SRGAP2C: variants seen among roughly 807,000 people sequenced by gnomAD.
SRGAP2C encodes the protein SLIT-ROBO Rho GTPase activating protein 2C.
In SRGAP2C, 15 loss-of-function variants were observed where a neutral mutation model predicts 25.1. That is an observed-to-expected ratio of 0.60 (90% CI 0.40 to 0.92). The LOEUF is 0.92. Ranked by LOEUF, SRGAP2C falls within the 40% of genes least tolerant of loss-of-function variation. The pLI, the probability that SRGAP2C is intolerant of heterozygous loss-of-function variation, is 0.00. For missense variants in SRGAP2C, 144 were observed against 264.4 expected, an observed-to-expected ratio of 0.54 and a Z score of 3.16; for synonymous variants, 44 against 96.6, an observed-to-expected ratio of 0.46 and a Z score of 3.19.
intron 2 of SRGAP2C, among the ~76,000 whole-genome samples, chr1:121,204,630 G>A (rs1431884689): frequency 6.6e-6 from 1 of 152,192 alleles, no homozygotes; most frequent in East Asian, 1.9e-4. Flanking sequence ...AATAATTGAT[G>A]TGTAGATGTT....
rs1365687999 is a variant in SRGAP2C, at chr1:121,291,162, A to G, written c.260+6167A>G. Among the ~76,000 whole-genome samples the G allele has an allele frequency of 1.6e-5, 2 of 128,818 alleles. 1 individual carries two copies. The highest frequency in any genetic ancestry group is 3.4e-5 in the Non-Finnish European group (2 of 59,090). 84.5% of individuals were successfully genotyped at this position (128,818 alleles called of 152,430 possible). ...GAAAGGAAGTAGGAATATATTCAGA[A>G]GGTATTCAAGAAACTAAATAGGACT... On this transcript the variant is annotated intron_variant, in intron 3 of 9. Transcript: ENST00000367123.
chr1:121,263,051 A>G (rs1256489090), intron 2 of SRGAP2C, among the ~76,000 whole-genome samples: 1 of 151,996 alleles, frequency 6.6e-6, no homozygotes, highest in Non-Finnish European at 1.5e-5. Flanking sequence ...AATACTGGCA[A>G]ACATAGTAAT....
intron 3 of SRGAP2C, among the ~76,000 whole-genome samples, chr1:121,323,648 G>A (rs1658258463): frequency 7.4e-6 from 1 of 135,312 alleles, no homozygotes; most frequent in African/African-American, 2.9e-5. Context: ...AAGGGAATGA[G>A]CACCTTGGTT....
At chr1:121,273,727 T>G (rs1158096378) in intron 2 of SRGAP2C, among the ~76,000 whole-genome samples, 2 of 151,914 alleles carry the variant, frequency 1.3e-5, no homozygotes, top group Non-Finnish European at 2.9e-5. Flanking sequence ...AAATATTTCA[T>G]TCTTCAATTT....
At chr1:121,337,702 C>T (rs1180280425) in intron 4 of SRGAP2C, among the ~76,000 whole-genome samples, 7 of 144,924 alleles carry the variant, frequency 4.8e-5, no homozygotes, top group Non-Finnish European at 7.6e-5. Context: ...ATTGTTAATA[C>T]AGCTCATCAG....
At chr1:121,188,183 G>T (rs1180272729) in intron 2 of SRGAP2C, among the ~76,000 whole-genome samples, 1 of 152,192 alleles carries the variant, frequency 6.6e-6, no homozygotes, top group Non-Finnish European at 1.5e-5. Flanking sequence ...GCTGGTTGGT[G>T]CTGATTCTGG....
chr1:121,368,044 C>G (rs1553349961), intron 5 of SRGAP2C, among the ~76,000 whole-genome samples: 1 of 107,152 alleles, frequency 9.3e-6, no homozygotes. Flanking sequence ...CCACTGCACT[C>G]CAGCCTGGGC....
At chr1:121,383,127 G>A (rs1420528443) in intron 8 of SRGAP2C, among the ~76,000 whole-genome samples, 1 of 150,096 alleles carries the variant, frequency 6.7e-6, no homozygotes, top group East Asian at 2.0e-4. Context: ...CAGACATGGG[G>A]GATTAAAGCC....
chr1:121,273,565 G>C (rs1292225577), intron 2 of SRGAP2C, among the ~76,000 whole-genome samples: 1 of 147,064 alleles, frequency 6.8e-6, no homozygotes, highest in East Asian at 2.1e-4. Context: ...AGCAGGAATG[G>C]GGAGAAAGGG....
intron 4 of SRGAP2C, among the ~76,000 whole-genome samples, chr1:121,340,774 GA>G (rs1658635339): frequency 6.6e-6 from 1 of 151,328 alleles, no homozygotes; most frequent in Admixed American, 6.6e-5. Flanking sequence ...TTATCTTACA[GA>G]AATATCTTTT....
At chr1:121,267,620 TACTC>T (rs1165740999) in intron 2 of SRGAP2C, among the ~76,000 whole-genome samples, 9 of 126,474 alleles carry the variant, frequency 7.1e-5, no homozygotes, top group African/African-American at 2.8e-4. Context: ...TTTTTATTCT[TACTC>T]AGGAGCTTTG....
chr1:121,273,663 C>A (rs1211425347), intron 2 of SRGAP2C, among the ~76,000 whole-genome samples: 2 of 151,814 alleles, frequency 1.3e-5, no homozygotes, highest in African/African-American at 4.8e-5. Context: ...GACATCTTCA[C>A]GTAACTATGT....
intron 2 of SRGAP2C, among the ~76,000 whole-genome samples, chr1:121,211,467 C>CAT (rs1655256012): frequency 6.9e-6 from 1 of 144,318 alleles, no homozygotes; most frequent in African/African-American, 2.5e-5. Context: ...ACACATCTTA[C>CAT]CTTATTTAGG....
At chr1:121,378,687 A>G (rs587738697) in intron 7 of SRGAP2C, among the ~76,000 whole-genome samples, 48 of 152,178 alleles carry the variant, frequency 3.2e-4, no homozygotes, top group African/African-American at 1.0e-3. Context: ...CACGGGATGA[A>G]TCCTGTTGCA....
chr1:121,211,458 C>CACGCACAT (rs1655254778), intron 2 of SRGAP2C, among the ~76,000 whole-genome samples: 1 of 139,394 alleles, frequency 7.2e-6, no homozygotes, highest in Non-Finnish European at 1.6e-5. Context: ...CACACACACA[C>CACGCACAT]ACATCTTACC....
chr1:121,335,280 G>A (rs1553342348), intron 4 of SRGAP2C, among the ~76,000 whole-genome samples: 1 of 146,828 alleles, frequency 6.8e-6, no homozygotes, highest in South Asian at 2.2e-4. Context: ...GGTGGAGTTT[G>A]CAGTGAGCTG....
intron 2 of SRGAP2C, among the ~76,000 whole-genome samples, chr1:121,258,600 G>A (rs587769268): frequency 4.0e-5 from 6 of 150,878 alleles, no homozygotes; most frequent in African/African-American, 1.5e-4. Context: ...TGAGTAGCTG[G>A]GATTACAGGC....
chr1:121,281,282 G>A (rs1279089812), intron 2 of SRGAP2C, among the ~76,000 whole-genome samples: 2 of 151,646 alleles, frequency 1.3e-5, no homozygotes, highest in Admixed American at 1.3e-4. Flanking sequence ...ATGCTTTGAA[G>A]ATGGTAACAA....
intron 3 of SRGAP2C, among the ~76,000 whole-genome samples, chr1:121,286,071 G>A (rs1203476003): frequency 2.6e-5 from 4 of 151,958 alleles, no homozygotes; most frequent in Non-Finnish European, 5.9e-5. Flanking sequence ...AGCCATCCTG[G>A]CCCCCATGCA....
Sources: gnomAD v4.1 joint callset for allele counts (sites outside exome capture counted in the v4.1 genomes callset) on GRCh38, gnomAD v4.1.1 for gene constraint, MANE v1.5 for transcripts, NCBI Gene and HGNC (gene_info 2026-07-23, HGNC 2026-07-21) for gene names.